CCDC73: variants seen among roughly 807,000 people sequenced by gnomAD.
CCDC73 encodes the protein coiled-coil domain containing 73.
Under a neutral mutation model 116.5 loss-of-function variants are expected in CCDC73, and 95 were observed. The observed-to-expected ratio is 0.82, with a 90% CI of 0.69 to 0.97. CCDC73 has a LOEUF of 0.97. Ranked by LOEUF, CCDC73 falls within the 50% of genes least tolerant of loss-of-function variation. CCDC73 has a pLI of 0.00. For missense variants in CCDC73, 1,066 were observed against 1,206.8 expected, an observed-to-expected ratio of 0.88 and a Z score of 1.73; for synonymous variants, 398 against 401.3, an observed-to-expected ratio of 0.99 and a Z score of 0.10.
chr11:32,747,332 T>C (rs1850248867), intron 2 of CCDC73, among the ~76,000 whole-genome samples: 1 of 151,998 alleles, frequency 6.6e-6, no homozygotes, highest in African/African-American at 2.4e-5. Context: ...CACCTGCCTA[T>C]ATGAGGTGTC....
chr11:32,776,892 G>A (rs1473094875), intron 1 of CCDC73, among the ~76,000 whole-genome samples: 1 of 140,416 alleles, frequency 7.1e-6, no homozygotes, highest in African/African-American at 2.7e-5. Context: ...CTTCTCTGAG[G>A]TTTACAGAGT....
intron 9 of CCDC73, among the ~76,000 whole-genome samples, chr11:32,660,541 C>T: frequency 6.6e-6 from 1 of 151,760 alleles, no homozygotes; most frequent in Non-Finnish European, 1.5e-5. Flanking sequence ...AATGAGAATA[C>T]CGGTTGGGTG....
intron 2 of CCDC73, among the ~76,000 whole-genome samples, chr11:32,733,703 G>C (rs1850100248): frequency 6.6e-6 from 1 of 152,138 alleles, no homozygotes; most frequent in Non-Finnish European, 1.5e-5. Flanking sequence ...CAGAAATAAA[G>C]ATGTTCTTTG....
At chr11:32,618,520 CGTTGGCATCTGTT>C (rs1855494220) in intron 14 of CCDC73, among the ~76,000 whole-genome samples, 1 of 151,720 alleles carries the variant, frequency 6.6e-6, no homozygotes, top group South Asian at 2.1e-4. Context: ...TCTGCAGCCT[CGTTGGCATCTGTT>C]GTTTTTGACC....
intron 1 of CCDC73, among the ~76,000 whole-genome samples, chr11:32,761,664 C>T (rs1334941674): frequency 6.6e-6 from 1 of 152,078 alleles, no homozygotes; most frequent in East Asian, 1.9e-4. Flanking sequence ...TAAGCATTCT[C>T]CAGAGAAACA....
chr11:32,812,040 T>G, the CCDC73 span, among the ~76,000 whole-genome samples: 2 of 152,136 alleles, frequency 1.3e-5, no homozygotes, highest in East Asian at 3.9e-4. Flanking sequence ...AGTGCTCCAG[T>G]TGCTGAGTGG....
intron 9 of CCDC73, among the ~76,000 whole-genome samples, chr11:32,657,765 C>A (rs989508732): frequency 2.0e-5 from 3 of 152,074 alleles, no homozygotes; most frequent in African/African-American, 7.2e-5. Context: ...ATTTGGGAGG[C>A]TAAGGCAGGA....
At chr11:32,721,890 C>A (rs1345453366) in intron 2 of CCDC73, among the ~76,000 whole-genome samples, 2 of 152,126 alleles carry the variant, frequency 1.3e-5, no homozygotes, top group African/African-American at 2.4e-5. Flanking sequence ...AGCCACCGTG[C>A]CCAGCCTATG....
intron 3 of CCDC73, among the ~76,000 whole-genome samples, chr11:32,712,245 G>T (rs1441270333): frequency 1.3e-5 from 2 of 152,046 alleles, no homozygotes; most frequent in Non-Finnish European, 2.9e-5. Flanking sequence ...GTAGAATAGT[G>T]GTTACAAGAA....
intron 9 of CCDC73, among the ~76,000 whole-genome samples, chr11:32,670,734 C>A (rs1406112494): frequency 2.0e-5 from 3 of 152,206 alleles, no homozygotes; most frequent in Non-Finnish European, 4.4e-5. Flanking sequence ...TGTTTTTCTA[C>A]ATTTTTCAAC....
intron 9 of CCDC73, among the ~76,000 whole-genome samples, chr11:32,667,282 AG>A (rs150997776): frequency 0.1 from 15,411 of 152,280 alleles, 1,037 homozygotes; most frequent in Non-Finnish European, 0.15. Context: ...AGAGGCAGGC[AG>A]GCCTCCTTGA....
the CCDC73 span, among the ~76,000 whole-genome samples, chr11:32,804,574 A>G: frequency 3.6e-3 from 554 of 152,304 alleles, 3 homozygotes; most frequent in African/African-American, 0.013. Flanking sequence ...CCTTTTGCCT[A>G]TGGTTTCAAA....
intron 3 of CCDC73, among the ~76,000 whole-genome samples, chr11:32,713,759 A>G (rs1849921645): frequency 6.6e-6 from 1 of 152,082 alleles, no homozygotes; most frequent in Non-Finnish European, 1.5e-5. Context: ...CAGAGCAAGG[A>G]CAAACTGAAC....
intron 14 of CCDC73, among the ~76,000 whole-genome samples, chr11:32,618,806 C>G (rs1042587009): frequency 1.3e-5 from 2 of 152,162 alleles, no homozygotes; most frequent in African/African-American, 4.8e-5. Context: ...CTCGTCTTGG[C>G]CTCCCAATGT....
intron 3 of CCDC73, among the ~76,000 whole-genome samples, chr11:32,708,732 C>T (rs758751837): frequency 3.9e-5 from 6 of 152,142 alleles, no homozygotes; most frequent in Non-Finnish European, 5.9e-5. Flanking sequence ...TGGTGTAAAG[C>T]AGAGCTACTG....
At chr11:32,741,993 C>A (rs944432624) in intron 2 of CCDC73, among the ~76,000 whole-genome samples, 4 of 152,008 alleles carry the variant, frequency 2.6e-5, no homozygotes, top group African/African-American at 9.7e-5. Flanking sequence ...TGAACTCATC[C>A]TTTCTTATGG....
At chr11:32,825,056 G>C in the CCDC73 span, among the ~76,000 whole-genome samples, 15 of 152,328 alleles carry the variant, frequency 9.8e-5, no homozygotes, top group South Asian at 2.9e-3. Context: ...CTGCACTCCA[G>C]CCTGGGCAAT....
upstream of CCDC73, among the ~76,000 whole-genome samples, chr11:32,795,986 G>A (rs924931224): frequency 3.9e-5 from 6 of 152,024 alleles, no homozygotes; most frequent in South Asian, 2.1e-4. Flanking sequence ...CACCGCAGCC[G>A]GCCCCCCGCC....
At chr11:32,712,333 A>G (rs1373678589) in intron 3 of CCDC73, among the ~76,000 whole-genome samples, 1 of 152,160 alleles carries the variant, frequency 6.6e-6, no homozygotes, top group Admixed American at 6.6e-5. Context: ...GATGGAAAGA[A>G]TAAGTTTGAG....
Sources: gnomAD v4.1 joint callset for allele counts (sites outside exome capture counted in the v4.1 genomes callset) on GRCh38, gnomAD v4.1.1 for gene constraint, MANE v1.5 for transcripts, NCBI Gene and HGNC (gene_info 2026-07-23, HGNC 2026-07-21) for gene names.